The following PREX1 variants were observed in gnomAD, a reference collection of about 807,000 sequenced individuals.
PREX1 encodes the protein phosphatidylinositol-3,4,5-trisphosphate dependent Rac exchange factor 1.
A neutral mutation model predicts 198.3 loss-of-function variants in PREX1; 41 were observed. The ratio of observed to expected loss-of-function variants is 0.21; its 90% CI spans 0.16 to 0.27. The LOEUF (loss-of-function observed/expected upper bound fraction) is 0.27, where lower values mean the gene tolerates loss of function less well. Among genes scored for constraint, PREX1 ranks in the 10% least tolerant of loss-of-function variants. The probability of loss-of-function intolerance (pLI) is 1.00; values close to 1 mark genes in which losing one functional copy is unlikely to be tolerated. For synonymous variants in PREX1, 843 were observed against 887.2 expected (o/e 0.95, Z 0.89); for missense variants, 1,620 against 2,200.7 (o/e 0.74, Z 5.28).
chr20:48,712,096 C>T (rs564218920), intron 5 of PREX1, among the ~76,000 whole-genome samples: 1 of 152,362 alleles, frequency 6.6e-6, no homozygotes, highest in Non-Finnish European at 1.5e-5. Context: ...AAAGACCCCA[C>T]CGTGTTGTGG....
At chr20:48,676,153 A>T in intron 14 of PREX1, 40 bp downstream of exon 14, 1 of 1,581,994 alleles carries the variant, frequency 6.3e-7, no homozygotes, top group Non-Finnish European at 8.7e-7. Context: ...CTGACGGACA[A>T]AGCAGAACAC....
chr20:48,815,840 T>A (rs2090456485), intron 1 of PREX1, among the ~76,000 whole-genome samples: 1 of 151,898 alleles, frequency 6.6e-6, no homozygotes, highest in African/African-American at 2.4e-5. Context: ...CGAAACCCTG[T>A]CTCTACTAAA....
At chr20:48,848,562 T>C in the PREX1 span, among the ~76,000 whole-genome samples, 3 of 152,112 alleles carry the variant, frequency 2.0e-5, no homozygotes, top group Admixed American at 1.3e-4. Flanking sequence ...CGGCCTATTA[T>C]TACTTATTAA....
At chr20:48,745,955 A>G (rs2090105738) in intron 2 of PREX1, among the ~76,000 whole-genome samples, 1 of 152,182 alleles carries the variant, frequency 6.6e-6, no homozygotes, top group South Asian at 2.1e-4. Flanking sequence ...CGCAATGAGC[A>G]ATTATTATTA....
chr20:48,759,329 C>A (rs1255330909), intron 1 of PREX1, among the ~76,000 whole-genome samples: 2 of 152,122 alleles, frequency 1.3e-5, no homozygotes, highest in Non-Finnish European at 2.9e-5. Flanking sequence ...ATGGGTGGAT[C>A]ACCTGAGGTC....
At chr20:48,696,645 ATACACACG>A (rs72134245) in intron 7 of PREX1, among the ~76,000 whole-genome samples, 33 of 127,570 alleles carry the variant, frequency 2.6e-4, no homozygotes, top group African/African-American at 8.1e-4. Flanking sequence ...ACATACACAC[ATACACACG>A]TACACACGTA....
intron 30 of PREX1, among the ~76,000 whole-genome samples, chr20:48,638,337 G>A (rs1225475696): frequency 1.3e-5 from 2 of 152,034 alleles, no homozygotes; most frequent in Non-Finnish European, 2.9e-5. Context: ...ACACACGAGT[G>A]CACACATAAG....
chr20:48,763,054 GTACAACTCTATGAA>G (rs2090190307), intron 1 of PREX1, among the ~76,000 whole-genome samples: 1 of 152,198 alleles, frequency 6.6e-6, no homozygotes, highest in South Asian at 2.1e-4. Context: ...TTAGATGGTG[GTACAACTCTATGAA>G]TATACCGAAA....
intron 6 of PREX1, 139 bp from the exon 7 acceptor site, chr20:48,701,025 A>C: frequency 8.5e-7 from 1 of 1,173,924 alleles, no homozygotes; most frequent in Non-Finnish European, 1.2e-6. Context: ...GAAAATCAAC[A>C]CAACGTGATT....
intron 35 of PREX1, 132 bp downstream of exon 35, chr20:48,632,145 C>T (rs916927608): frequency 4.9e-6 from 4 of 820,182 alleles, no homozygotes; most frequent in Non-Finnish European, 8.1e-6. Context: ...TGCTGTCACA[C>T]AGAAGGTGCT....
At chr20:48,847,098 G>T in the PREX1 span, among the ~76,000 whole-genome samples, 1 of 152,080 alleles carries the variant, frequency 6.6e-6, no homozygotes, top group Admixed American at 6.5e-5. Context: ...CACACCCGGG[G>T]CCTGCTTTGG....
At chr20:48,852,402 G>A in the PREX1 span, among the ~76,000 whole-genome samples, 1 of 152,142 alleles carries the variant, frequency 6.6e-6, no homozygotes, top group African/African-American at 2.4e-5. Flanking sequence ...ATGGGAATAT[G>A]TATTGAATCA....
rs183613266 is a variant in PREX1, at chr20:48,730,649, G to C, written c.519+3897C>G. ...ACATATGTAAGCATTTGTCATCCTG[G>C]GGGTGGACTTACTGCATGGATGCTA... On this transcript the variant is annotated intron_variant, in intron 4 of 39. Transcript: ENST00000371941. 1.4e-3 allele frequency among the ~76,000 whole-genome samples: 207 copies of C among 152,130 alleles called. 4 individuals carry two copies. Among genetic ancestry groups the C allele is most frequent in the African/African-American group, 4.7e-3 (194 of 41,490 alleles).
At chr20:48,690,875 C>T in intron 9 of PREX1, 72 bp downstream of exon 9, 1 of 1,598,508 alleles carries the variant, frequency 6.3e-7, no homozygotes, top group South Asian at 1.1e-5. Flanking sequence ...CTTCCCTAGA[C>T]ACAGCCCCCA....
In PREX1 at chr20:48,650,021, G is replaced by A. The variant is rs746692079; in HGVS notation, c.3003C>T (p.Ser1001=). ...SFSIRFGRKP[S]LIGLDPEQGH... is the part of the protein sequence containing the mutation. ...CTTGCTCCGGGTCAAGGCCGATGAG[G>A]GAGGGTTTGCGTCCAAAGCGGATGC... Residue 1001 remains serine (S), a synonymous_variant, in exon 24 of 40, where the codon TCC becomes TCT. Coordinates refer to ENST00000371941, the MANE Select transcript of PREX1 (RefSeq NM_020820.4). 11 of 1,614,060 alleles carry A rather than the reference G, an allele frequency of 6.8e-6. No homozygotes were observed. The Middle Eastern group carries it at 4.9e-4, about 72-fold the overall frequency.
the PREX1 span, among the ~76,000 whole-genome samples, chr20:48,854,411 C>T: frequency 1.3e-5 from 2 of 151,974 alleles, no homozygotes; most frequent in Non-Finnish European, 2.9e-5. Flanking sequence ...CTAAAAATAA[C>T]TAGCCAGGCA....
the PREX1 span, among the ~76,000 whole-genome samples, chr20:48,877,428 T>C: frequency 6.6e-6 from 1 of 152,208 alleles, no homozygotes; most frequent in African/African-American, 2.4e-5. Flanking sequence ...TCTGCACTCT[T>C]TGTGCCAGCC....
chr20:48,791,149 G>GCACACA (rs11469380), intron 1 of PREX1, among the ~76,000 whole-genome samples: 2 of 150,566 alleles, frequency 1.3e-5, no homozygotes, highest in East Asian at 3.9e-4. Flanking sequence ...GCAGATTCAT[G>GCACACA]CACACACACA....
chr20:48,695,094 T>C (rs2089838548), intron 7 of PREX1, among the ~76,000 whole-genome samples: 1 of 152,062 alleles, frequency 6.6e-6, no homozygotes, highest in Non-Finnish European at 1.5e-5. Context: ...CAATTAACTT[T>C]TGCAAGTGAA....
Sources: allele counts gnomAD v4.1 joint callset (sites outside exome capture counted in the v4.1 genomes callset), GRCh38; gene constraint gnomAD v4.1.1; transcripts MANE v1.5; gene names NCBI Gene and HGNC (gene_info 2026-07-23, HGNC 2026-07-21).